Variants in KCNQ3 observed in about 807,000 individuals in gnomAD.
The protein encoded by KCNQ3 is potassium voltage-gated channel subfamily Q member 3, also known as potassium voltage-gated channel subfamily KQT member 3.
In KCNQ3, 30 loss-of-function variants were observed where a neutral mutation model predicts 92.5. The observed-to-expected ratio is 0.32, with a 90% CI of 0.24 to 0.44. The LOEUF (loss-of-function observed/expected upper bound fraction) is 0.44. Ranked by LOEUF, KCNQ3 falls within the 20% of genes least tolerant of loss-of-function variation. The pLI is 1.00. For synonymous variants in KCNQ3, 450 were observed against 468.8 expected (o/e 0.96, Z 0.52); for missense variants, 913 against 1,140.3 (o/e 0.80, Z 2.87).
At chr8:132,293,755 C>A (rs1816925605) in intron 1 of KCNQ3, among the ~76,000 whole-genome samples, 1 of 152,084 alleles carries the variant, frequency 6.6e-6, no homozygotes, top group African/African-American at 2.4e-5. Context: ...ACTGAAGAGT[C>A]AGGCATGACA....
At chr8:132,168,075 T>C (rs1266655783) in intron 8 of KCNQ3, among the ~76,000 whole-genome samples, 3 of 152,240 alleles carry the variant, frequency 2.0e-5, no homozygotes, top group Non-Finnish European at 4.4e-5. Context: ...TTTCCCATTC[T>C]TTTATTGAAG....
At chr8:132,315,387 G>A (rs1054644567) in intron 1 of KCNQ3, among the ~76,000 whole-genome samples, 17 of 152,140 alleles carry the variant, frequency 1.1e-4, no homozygotes, top group African/African-American at 2.9e-4. Flanking sequence ...CTGGGGGGCC[G>A]TAGGGTCACT....
At chr8:132,260,924 C>A (rs756455398) in intron 1 of KCNQ3, among the ~76,000 whole-genome samples, 2 of 152,146 alleles carry the variant, frequency 1.3e-5, no homozygotes, top group Non-Finnish European at 2.9e-5. Flanking sequence ...CTTACTCATT[C>A]TTTTATTATT....
At position 132,127,529 on chromosome 8, in the gene KCNQ3, A is replaced by G. The variant is rs965403439; in HGVS notation, c.*1733T>C. 2.0e-5 allele frequency: 3 copies of G among 152,234 alleles called. No individual in the cohort carries two copies. The highest frequency in any genetic ancestry group is 4.4e-5 in the Non-Finnish European group (3 of 68,052). The allele number at this position is 152,234 out of a possible 1,614,324, so 9.4% of individuals were successfully genotyped here. A position where few individuals can be genotyped will look rare whatever the true frequency, so the allele number is the denominator to read the frequency against. ...TCTCGTATTAGGAAATGATGAAACC[A>G]TCAACCAAATGTCTGCCATAGCTAC... On this transcript the variant is annotated 3_prime_UTR_variant, in exon 15 of 15. Coordinates refer to ENST00000388996, the MANE Select transcript of KCNQ3 (RefSeq NM_004519.4).
chr8:132,455,195 C>T (rs1489623080), intron 1 of KCNQ3, among the ~76,000 whole-genome samples: 1 of 152,130 alleles, frequency 6.6e-6, no homozygotes, highest in Non-Finnish European at 1.5e-5. Context: ...CAACCTCCAC[C>T]CCTCGGGTTC....
chr8:132,264,526 GAC>G (rs1407392100), intron 1 of KCNQ3, among the ~76,000 whole-genome samples: 2 of 152,202 alleles, frequency 1.3e-5, no homozygotes, highest in East Asian at 3.9e-4. Context: ...GGAACTTTCA[GAC>G]AGACAGTGGC....
At position 132,385,238 on chromosome 8, in the gene KCNQ3, CG is replaced by C. The variant is rs537222161; in HGVS notation, c.386+94908del. Among the ~76,000 whole-genome samples, 854 of 152,370 alleles carry C rather than the reference CG, an allele frequency of 5.6e-3. 2 individuals are homozygous for C. The highest frequency in any genetic ancestry group is 8.6e-3 in the Admixed American group (132 of 15,306). Reference sequence around the variant, plus strand: ...GTTGAGGCCTTTGCAGGGACTGCAACGCAGCTCAACTCTTCCCTCAGCTCAG... The same window carrying C: ...GTTGAGGCCTTTGCAGGGACTGCAACCAGCTCAACTCTTCCCTCAGCTCAG... On this transcript the variant is annotated intron_variant, in intron 1 of 14. Transcript: ENST00000388996.
chr8:132,289,520 C>T (rs1816781571), intron 1 of KCNQ3, among the ~76,000 whole-genome samples: 1 of 152,088 alleles, frequency 6.6e-6, no homozygotes, highest in African/African-American at 2.4e-5. Flanking sequence ...TTTCTCATTG[C>T]CTTTTTCTCT....
At chr8:132,312,574 G>C (rs1817626460) in intron 1 of KCNQ3, among the ~76,000 whole-genome samples, 1 of 152,170 alleles carries the variant, frequency 6.6e-6, no homozygotes, top group African/African-American at 2.4e-5. Flanking sequence ...TCCACACTCA[G>C]ATATTATCTA....
Position 132,198,153 on chromosome 8 carries a change from A to G in KCNQ3, c.387-11972T>C, listed in dbSNP as rs147338737. Among the ~76,000 whole-genome samples, 515 of 152,322 alleles carry G rather than the reference A, an allele frequency of 3.4e-3. 3 individuals are homozygous for G. The highest frequency in any genetic ancestry group is 0.012 in the African/African-American group (497 of 41,578). On this transcript the variant is annotated intron_variant, in intron 1 of 14. Coordinates refer to ENST00000388996, the MANE Select transcript of KCNQ3 (RefSeq NM_004519.4). ...TTGCTGGCTTTGAAGTTGCTGTGCT[A>G]GAGAAGCCCGTGTAGTATAGAACCA...
intron 1 of KCNQ3, among the ~76,000 whole-genome samples, chr8:132,249,977 C>T (rs1346306486): frequency 2.6e-5 from 4 of 152,154 alleles, no homozygotes; most frequent in Non-Finnish European, 5.9e-5. Flanking sequence ...CCCATGCCCA[C>T]CCGGAACTTG....
intron 1 of KCNQ3, among the ~76,000 whole-genome samples, chr8:132,299,235 AGTG>A (rs1170707679): frequency 6.6e-6 from 1 of 151,926 alleles, no homozygotes; most frequent in Non-Finnish European, 1.5e-5. Context: ...AATGCATAAT[AGTG>A]GTGGTTTTTA....
chr8:132,403,980 C>T (rs1336026835), intron 1 of KCNQ3, among the ~76,000 whole-genome samples: 1 of 152,222 alleles, frequency 6.6e-6, no homozygotes, highest in Non-Finnish European at 1.5e-5. Context: ...CAGGGCTCAT[C>T]CTGAATCACT....
At chr8:132,228,540 G>T (rs76824501) in intron 1 of KCNQ3, among the ~76,000 whole-genome samples, 1 of 152,082 alleles carries the variant, frequency 6.6e-6, no homozygotes, top group African/African-American at 2.4e-5. Flanking sequence ...TTACTACACG[G>T]AAATACTTAG....
chr8:132,448,472 TG>T (rs1217423691), intron 1 of KCNQ3, among the ~76,000 whole-genome samples: 2 of 121,052 alleles, frequency 1.7e-5, no homozygotes, highest in East Asian at 4.7e-4. Context: ...AACAAGAAGC[TG>T]AGCTCTAAGG....
Position 132,422,286 on chromosome 8 carries a change from C to T in KCNQ3, c.386+57861G>A, listed in dbSNP as rs576772289. On this transcript the variant is annotated intron_variant, in intron 1 of 14. Coordinates refer to ENST00000388996, the MANE Select transcript of KCNQ3 (RefSeq NM_004519.4). ...TGACTTCCAGAATAAATCCAGAAAC[C>T]TCTGTCTTCCCTTCACTTCCATGCC... Among the ~76,000 whole-genome samples the T allele has an allele frequency of 7.2e-5, 11 of 152,280 alleles. No individual in the cohort carries two copies. In the South Asian group the frequency reaches 2.1e-3, roughly 29 times the overall value.
At chr8:132,222,830 G>A (rs375613398) in intron 1 of KCNQ3, among the ~76,000 whole-genome samples, 70 of 152,332 alleles carry the variant, frequency 4.6e-4, no homozygotes, top group Non-Finnish European at 8.7e-4. Context: ...TGTGCTTAAT[G>A]TGGATTTGAA....
intron 1 of KCNQ3, among the ~76,000 whole-genome samples, chr8:132,356,395 A>T (rs12679129): frequency 0.072 from 11,025 of 152,224 alleles, 444 homozygotes; most frequent in South Asian, 0.15. Flanking sequence ...AGCAGGAATG[A>T]TGTTTTTAAG....
rs889306376 is a variant in KCNQ3, at chr8:132,347,909, G to A, written c.386+132238C>T. Among the ~76,000 whole-genome samples the A allele has an allele frequency of 2.1e-4, 32 of 150,824 alleles. 1 individual carries two copies. The highest frequency in any genetic ancestry group is 6.3e-4 in the African/African-American group (26 of 41,006). ...GGAGAATGGCGTGAACCTGGGAGGCGGAGCTTGCAGTGAGCCAAGAACACG... is the reference window on the plus strand; with the variant it reads ...GGAGAATGGCGTGAACCTGGGAGGCAGAGCTTGCAGTGAGCCAAGAACACG... On this transcript the variant is annotated intron_variant, in intron 1 of 14. Coordinates refer to ENST00000388996, the MANE Select transcript of KCNQ3 (RefSeq NM_004519.4).
Sources: gnomAD v4.1 joint callset for allele counts (sites outside exome capture counted in the v4.1 genomes callset) on GRCh38, gnomAD v4.1.1 for gene constraint, MANE v1.5 for transcripts, NCBI Gene and HGNC (gene_info 2026-07-23, HGNC 2026-07-21) for gene names.